MTRES1: variants seen among roughly 807,000 people sequenced by gnomAD.
MTRES1 encodes the protein mitochondrial transcription rescue factor 1, also known as uncharacterized protein C6orf203.
Under a neutral mutation model 17.4 loss-of-function variants are expected in MTRES1, and 11 were observed. The ratio of observed to expected loss-of-function variants is 0.63; its 90% CI spans 0.40 to 1.05. The LOEUF (loss-of-function observed/expected upper bound fraction) is 1.05. Among genes scored for constraint, MTRES1 ranks in the 50% least tolerant of loss-of-function variants. MTRES1 has a pLI of 0.00. For synonymous variants in MTRES1, 94 were observed against 99.6 expected, an observed-to-expected ratio of 0.94 and a Z score of 0.34; for missense variants, 268 against 276.2, an observed-to-expected ratio of 0.97 and a Z score of 0.21.
At chr6:107,034,650 G>A (rs1554226763) in intron 1 of MTRES1, among the ~76,000 whole-genome samples, 2 of 152,172 alleles carry the variant, frequency 1.3e-5, no homozygotes, top group African/African-American at 4.8e-5. Flanking sequence ...GAGTTAACGT[G>A]TAGAGCAATG....
At chr6:107,050,080 C>T (rs899344297) in intron 3 of MTRES1, among the ~76,000 whole-genome samples, 2 of 152,222 alleles carry the variant, frequency 1.3e-5, no homozygotes, top group African/African-American at 2.4e-5. Flanking sequence ...TGCCTGGACC[C>T]GGTATCTGTC....
At chr6:107,031,478 G>A (rs1359625442) in intron 1 of MTRES1, among the ~76,000 whole-genome samples, 11 of 141,108 alleles carry the variant, frequency 7.8e-5, no homozygotes, top group Non-Finnish European at 1.5e-4. Flanking sequence ...ATAGAGTTTC[G>A]CTCCTGTTGC....
intron 3 of MTRES1, among the ~76,000 whole-genome samples, chr6:107,048,385 C>A (rs1554228682): frequency 1.3e-5 from 2 of 151,942 alleles, no homozygotes; most frequent in Non-Finnish European, 2.9e-5. Flanking sequence ...CACCCTCAGC[C>A]TCCCAAAGTG....
chr6:107,045,848 C>T (rs1332048329), intron 3 of MTRES1, among the ~76,000 whole-genome samples: 1 of 152,142 alleles, frequency 6.6e-6, no homozygotes, highest in Non-Finnish European at 1.5e-5. Flanking sequence ...GTTTTCATTT[C>T]ATCTTTCATA....
chr6:107,044,118 T>C, intron 2 of MTRES1, 142 bp from the exon 3 acceptor site: 1 of 584,904 alleles, frequency 1.7e-6, no homozygotes, highest in Non-Finnish European at 3.0e-6. Flanking sequence ...TGAGACTTTG[T>C]CTCAAAAAAC....
At chr6:107,049,502 C>T (rs1193659544) in intron 3 of MTRES1, among the ~76,000 whole-genome samples, 1 of 150,592 alleles carries the variant, frequency 6.6e-6, no homozygotes, top group Admixed American at 6.7e-5. Flanking sequence ...CAAGCTCCGC[C>T]TCCCGGATTC....
intron 1 of MTRES1, among the ~76,000 whole-genome samples, chr6:107,029,191 A>ATTTTTTTTTTT (rs35093769): frequency 0.028 from 2,742 of 98,610 alleles, 144 homozygotes; most frequent in African/African-American, 0.076. Flanking sequence ...ACACCCGGCT[A>ATTTTTTTTTTT]TTTTTTTTTT....
At chr6:107,044,949 G>A (rs1774340863) in intron 3 of MTRES1, among the ~76,000 whole-genome samples, 1 of 152,146 alleles carries the variant, frequency 6.6e-6, no homozygotes, top group Non-Finnish European at 1.5e-5. Context: ...CAGCACTTTG[G>A]GAGCTGAGGC....
rs199681142 is a variant in MTRES1, at chr6:107,051,214, C to G, written c.701C>G (p.Pro234Arg). Residue 234 changes from proline (P) to arginine (R), a missense_variant, in exon 4 of 4, where the codon CCT becomes CGT. Coordinates refer to ENST00000311381, the MANE Select transcript of MTRES1 (RefSeq NM_016487.5). ...VLRRWKSLKLPKKRMSK is the reference protein window; with the variant it reads ...VLRRWKSLKLRKKRMSK Reference sequence around the variant, plus strand: ...CGGCGGTGGAAAAGTTTAAAGTTGCCTAAGAAGAGAATGTCTAAATAAATG... The same window carrying G: ...CGGCGGTGGAAAAGTTTAAAGTTGCGTAAGAAGAGAATGTCTAAATAAATG... 6.6e-5 allele frequency: 106 copies of G among 1,613,404 alleles called. No individual in the cohort carries two copies. Among genetic ancestry groups the G allele is most frequent in the Non-Finnish European group, 8.6e-5 (101 of 1,179,756 alleles).
At chr6:107,029,675 G>A (rs1256946820) in intron 1 of MTRES1, among the ~76,000 whole-genome samples, 2 of 151,498 alleles carry the variant, frequency 1.3e-5, no homozygotes, top group Non-Finnish European at 2.9e-5. Context: ...GTAGAGACGA[G>A]GTTTCACCAT....
chr6:107,029,744 C>G (rs1665923), intron 1 of MTRES1, among the ~76,000 whole-genome samples: 2 of 152,012 alleles, frequency 1.3e-5, no homozygotes, highest in African/African-American at 4.8e-5. Flanking sequence ...TCAGCCTCCC[C>G]AAGTACTGGA....
intron 1 of MTRES1, among the ~76,000 whole-genome samples, chr6:107,029,607 C>T (rs1219683659): frequency 2.6e-5 from 4 of 152,110 alleles, no homozygotes; most frequent in African/African-American, 9.7e-5. Flanking sequence ...CCTCAGCCTC[C>T]CAAATAGCTG....
At chr6:107,033,787 C>G (rs147055316) in intron 1 of MTRES1, among the ~76,000 whole-genome samples, 2,456 of 152,162 alleles carry the variant, frequency 0.016, 63 homozygotes, top group African/African-American at 0.056. Context: ...CAATGCACTC[C>G]AGCCTGGGCG....
At chr6:107,049,350 C>CCTGG (rs1260142372) in intron 3 of MTRES1, among the ~76,000 whole-genome samples, 6 of 151,702 alleles carry the variant, frequency 4.0e-5, no homozygotes, top group African/African-American at 1.5e-4. Context: ...CCCAGTCATC[C>CCTGG]CTGGCTTATG....
chr6:107,040,210 G>A lies in MTRES1; in HGVS notation c.450G>A (p.Thr150=), dbSNP rs782488201. The A allele has an allele frequency of 1.1e-5, 18 of 1,591,598 alleles. No homozygotes were observed. Among genetic ancestry groups the A allele is most frequent in the Admixed American group, 1.1e-4 (6 of 53,114 alleles). The change falls in exon 2 of 4, where the codon ACG becomes ACA. Residue 150 remains threonine (T), a synonymous_variant. Transcript: ENST00000311381. ...QSFRYDVVLK[T]GLDIGRNKVE... is the part of the protein sequence containing the mutation. ...TTCGGTATGATGTTGTCCTGAAGACGGGGCTAGATATTGGGAGAAAGTGAG... is the reference window on the plus strand; with the variant it reads ...TTCGGTATGATGTTGTCCTGAAGACAGGGCTAGATATTGGGAGAAAGTGAG...
At chr6:107,041,174 G>A (rs535403625) in intron 2 of MTRES1, among the ~76,000 whole-genome samples, 5 of 149,528 alleles carry the variant, frequency 3.3e-5, no homozygotes, top group South Asian at 2.1e-4. Context: ...GCAGTGAGCC[G>A]AGATCACGCC....
chr6:107,033,162 G>A (rs75037005), intron 1 of MTRES1, among the ~76,000 whole-genome samples: 2,427 of 152,244 alleles, frequency 0.016, 28 homozygotes, highest in Middle Eastern at 0.027. Flanking sequence ...CCTGAGCAGA[G>A]GAGTGAAGAA....
intron 1 of MTRES1, among the ~76,000 whole-genome samples, chr6:107,039,321 G>C (rs981666496): frequency 6.6e-6 from 1 of 151,600 alleles, no homozygotes; most frequent in African/African-American, 2.4e-5. Flanking sequence ...TTTGTTTTTT[G>C]GTTTTTTTTA....
At chr6:107,043,910 C>T (rs371622920) in intron 2 of MTRES1, among the ~76,000 whole-genome samples, 466 of 152,278 alleles carry the variant, frequency 3.1e-3, no homozygotes, top group African/African-American at 0.011. Context: ...GGGCGGATCA[C>T]GAGGTCAGGA....
Sources: gnomAD v4.1 joint callset for allele counts (sites outside exome capture counted in the v4.1 genomes callset) on GRCh38, gnomAD v4.1.1 for gene constraint, MANE v1.5 for transcripts, NCBI Gene and HGNC (gene_info 2026-07-23, HGNC 2026-07-21) for gene names.